The following SLC44A5 variants were observed in gnomAD, a reference collection of about 807,000 sequenced individuals.
The protein encoded by SLC44A5 is choline transporter-like protein 5.
Under a neutral mutation model 101.8 loss-of-function variants are expected in SLC44A5, and 57 were observed. The observed-to-expected ratio is 0.56, with a 90% confidence interval of 0.45 to 0.70. The LOEUF is 0.70. SLC44A5 is among the 30% of genes least tolerant of loss of function. The pLI, the probability that SLC44A5 is intolerant of heterozygous loss-of-function variation, is 0.00. For missense variants in SLC44A5, 737 were observed against 853.1 expected, an observed-to-expected ratio of 0.86 and a Z score of 1.70; for synonymous variants, 281 against 290.9, an observed-to-expected ratio of 0.97 and a Z score of 0.35.
At position 75,541,495 on chromosome 1, in the gene SLC44A5, C is replaced by T. The variant is rs751473468; in HGVS notation, c.-48G>A. 1.2e-6 allele frequency: 2 copies of T among 1,604,358 alleles called. No individual in the cohort carries two copies. Among genetic ancestry groups the T allele is most frequent in the South Asian group, 1.1e-5 (1 of 89,456 alleles). ...AGAAGTAGGCCTGAATCACTGCAAA[C>T]TTGAGTTGCTTAGAAAAGAGTCTGT... is the stretch of plus-strand genomic sequence containing the variant. On this transcript the variant is annotated 5_prime_UTR_variant, in exon 2 of 24. Transcript: ENST00000370859.
intron 14 of SLC44A5, among the ~76,000 whole-genome samples, chr1:75,220,094 G>A (rs1647047420): frequency 6.6e-6 from 1 of 151,972 alleles, no homozygotes. Context: ...GCACATGTTA[G>A]ACTCCTGCCT....
chr1:75,620,599 CAT>C, the SLC44A5 span, among the ~76,000 whole-genome samples: 1 of 152,156 alleles, frequency 6.6e-6, no homozygotes, highest in Non-Finnish European at 1.5e-5. Context: ...AGCATTTTTT[CAT>C]ATGTTTCCTG....
intron 2 of SLC44A5, among the ~76,000 whole-genome samples, chr1:75,535,442 C>T (rs570631770): frequency 2.6e-5 from 4 of 152,254 alleles, no homozygotes; most frequent in East Asian, 1.9e-4. Flanking sequence ...GTTCTTCCAT[C>T]GTGTGGAAAC....
chr1:75,275,039 C>A lies in SLC44A5; in HGVS notation c.179G>T (p.Trp60Leu), dbSNP rs1394594544. The stretch of plus-strand genomic sequence containing the variant: ...TGCTCTTCTGGGGTCCCCATGTACC[C>A]AGGCTGCAGGAACAAGAAAGGACAA... ...IGYIVLGLVA[W>L]VHGDPRRAAY... is the part of the protein sequence containing the mutation. The change falls in exon 6 of 24, where the codon TGG (tryptophan) becomes TTG (leucine). Residue 60 changes from tryptophan (W) to leucine (L), a missense_variant. By Grantham distance (61) the Trp-to-Leu change is moderately conservative (BLOSUM62 -2). This residue lies in a region of SLC44A5 where 665 missense variants were observed against 764.4 expected (regional missense o/e 0.87). Transcript: ENST00000370859. 1 of 1,612,340 alleles carries A rather than the reference C, an allele frequency of 6.2e-7. No homozygotes were observed.
At chr1:75,588,000 G>C (rs574850314) in intron 1 of SLC44A5, among the ~76,000 whole-genome samples, 2 of 152,258 alleles carry the variant, frequency 1.3e-5, no homozygotes, top group Admixed American at 1.3e-4. Context: ...GCCAATGTGA[G>C]AAACCAGAAG....
At chr1:75,542,019 G>A (rs1395686450) in intron 1 of SLC44A5, among the ~76,000 whole-genome samples, 7 of 151,890 alleles carry the variant, frequency 4.6e-5, no homozygotes, top group Admixed American at 3.3e-4. Flanking sequence ...AAAATTATAT[G>A]GCATATCACT....
At chr1:75,510,162 G>A (rs1669487599) in intron 2 of SLC44A5, among the ~76,000 whole-genome samples, 1 of 152,058 alleles carries the variant, frequency 6.6e-6, no homozygotes, top group South Asian at 2.1e-4. Flanking sequence ...GAGAATTATG[G>A]GAGCTACAAT....
At chr1:75,708,235 AC>A in the SLC44A5 span, among the ~76,000 whole-genome samples, 91,632 of 149,416 alleles carry the variant, frequency 0.61, 28,111 homozygotes, top group South Asian at 0.72. Flanking sequence ...ACATGGGGAA[AC>A]CCCATCTCTA....
At chr1:75,640,754 G>C in the SLC44A5 span, among the ~76,000 whole-genome samples, 8 of 152,062 alleles carry the variant, frequency 5.3e-5, no homozygotes, top group African/African-American at 1.9e-4. Flanking sequence ...TGTGCCTTCT[G>C]AAAGAGCTTT....
At chr1:75,652,679 A>G in the SLC44A5 span, among the ~76,000 whole-genome samples, 1 of 152,250 alleles carries the variant, frequency 6.6e-6, no homozygotes, top group Admixed American at 6.5e-5. Flanking sequence ...CTATAATCGT[A>G]GCTACTCAGG....
chr1:75,388,412 T>A (rs1661548542), intron 3 of SLC44A5, among the ~76,000 whole-genome samples: 1 of 149,934 alleles, frequency 6.7e-6, no homozygotes, highest in African/African-American at 2.5e-5. Context: ...CAATTGAGAC[T>A]ACAAAGTATC....
chr1:75,312,819 G>A (rs945218937), intron 4 of SLC44A5, among the ~76,000 whole-genome samples: 4 of 151,926 alleles, frequency 2.6e-5, no homozygotes, highest in African/African-American at 9.7e-5. Flanking sequence ...GAGTTCACTC[G>A]CAACATTTCA....
At chr1:75,357,902 C>T (rs1158586704) in intron 3 of SLC44A5, among the ~76,000 whole-genome samples, 1 of 152,058 alleles carries the variant, frequency 6.6e-6, no homozygotes, top group Admixed American at 6.6e-5. Context: ...CCAGAAAACC[C>T]GTTCCAGAAC....
chr1:75,631,819 G>T, the SLC44A5 span, among the ~76,000 whole-genome samples: 1 of 151,756 alleles, frequency 6.6e-6, no homozygotes, highest in Non-Finnish European at 1.5e-5. Flanking sequence ...TTACAGACAT[G>T]AGCCACTGCG....
rs138821545 is a variant in SLC44A5, at chr1:75,557,548, G to A, written c.-69-16032C>T. On this transcript the variant is annotated intron_variant, in intron 1 of 23. Coordinates refer to ENST00000370859, the MANE Select transcript of SLC44A5 (RefSeq NM_001130058.2). ...AGAAAGTTCTCTGGTGCTTTGTCAGGGTAATTTTCCACATTCTACAAGTGT... is the reference window on the plus strand; with the variant it reads ...AGAAAGTTCTCTGGTGCTTTGTCAGAGTAATTTTCCACATTCTACAAGTGT... 2.2e-4 allele frequency among the ~76,000 whole-genome samples: 33 copies of A among 151,956 alleles called. 1 individual carries two copies. The highest frequency in any genetic ancestry group is 7.4e-5 in the Non-Finnish European group (5 of 67,922).
In SLC44A5 at chr1:75,448,341, T is replaced by TA. The variant is rs1389634214; in HGVS notation, c.14-51721dup. On this transcript the variant is annotated intron_variant, in intron 2 of 23. Transcript: ENST00000370859. ...ATGTCCCAGCCCATGGGAAGGCACT[T>TA]AGAGTCCAGGGCAAGCAACTTTGTA... Among the ~76,000 whole-genome samples, 26 of 152,156 alleles carry TA rather than the reference T, an allele frequency of 1.7e-4. 1 individual carries two copies. The highest frequency in any genetic ancestry group is 5.5e-4 in the African/African-American group (23 of 41,442).
the SLC44A5 span, among the ~76,000 whole-genome samples, chr1:75,678,696 T>C: frequency 1.9e-4 from 28 of 151,304 alleles, no homozygotes; most frequent in Non-Finnish European, 2.9e-4. Flanking sequence ...ACTCTAAAAA[T>C]CAGAGCGCCT....
intron 23 of SLC44A5, chr1:75,206,269 G>C: frequency 5.2e-6 from 1 of 191,078 alleles, no homozygotes. Flanking sequence ...AAAATTGCCT[G>C]AATATCCTTT....
the SLC44A5 span, among the ~76,000 whole-genome samples, chr1:75,683,339 A>G: frequency 6.6e-6 from 1 of 152,200 alleles, no homozygotes; most frequent in African/African-American, 2.4e-5. Context: ...CACAATAGCA[A>G]AGACTTGGAA....
Sources: allele counts gnomAD v4.1 joint callset (sites outside exome capture counted in the v4.1 genomes callset), GRCh38; gene constraint gnomAD v4.1.1; regional missense constraint gnomAD v4.1.1; transcripts MANE v1.5; gene names NCBI Gene and HGNC (gene_info 2026-07-23, HGNC 2026-07-21).